The following TANC1 variants were observed in gnomAD, a reference collection of about 807,000 sequenced individuals.
The protein encoded by TANC1 is tetratricopeptide repeat, ankyrin repeat and coiled-coil containing 1.
A neutral mutation model predicts 149.7 loss-of-function variants in TANC1; 77 were observed. That is an observed-to-expected ratio of 0.51 (90% CI 0.43 to 0.62). The LOEUF is 0.62. Ranked by LOEUF, TANC1 falls within the 20% of genes least tolerant of loss-of-function variation. The probability of loss-of-function intolerance (pLI) is 0.00; values close to 1 mark genes in which losing one functional copy is unlikely to be tolerated. For missense variants in TANC1, 1,985 were observed against 2,321.8 expected (o/e 0.85, Z 2.98); for synonymous variants, 854 against 925.0 (o/e 0.92, Z 1.39).
intron 2 of TANC1, among the ~76,000 whole-genome samples, chr2:159,019,188 A>G (rs1216657856): frequency 6.6e-6 from 1 of 152,232 alleles, no homozygotes; most frequent in Non-Finnish European, 1.5e-5. Context: ...CCAGAGCCCA[A>G]GCTCCTTCGA....
chr2:159,032,754 G>A (rs1478171029), intron 2 of TANC1, among the ~76,000 whole-genome samples: 1 of 146,278 alleles, frequency 6.8e-6, no homozygotes, highest in African/African-American at 2.6e-5. Flanking sequence ...GGGAGAGCCT[G>A]TGAAGAGGTG....
At chr2:159,141,654 CAAG>C (rs2051382969) in intron 5 of TANC1, among the ~76,000 whole-genome samples, 1 of 152,164 alleles carries the variant, frequency 6.6e-6, no homozygotes, top group Admixed American at 6.5e-5. Flanking sequence ...AACTGGGTAT[CAAG>C]AAAGAGCTCA....
rs192066336 is a variant in TANC1, at chr2:159,224,538, C to T, written c.3811+174C>T. On this transcript the variant is annotated intron_variant, in intron 23 of 26. Transcript: ENST00000263635. ...TTATACACAATGTGTAAGTAGCTCA[C>T]GGTGTTTCTGCGGGGAGGGTGTGGA... is the stretch of plus-strand genomic sequence containing the variant. The T allele has an allele frequency of 3.6e-5, 26 of 722,126 alleles. No homozygotes were observed. The East Asian group carries it at 4.4e-4, about 12-fold the overall frequency. The allele number at this position is 722,126 out of a possible 1,614,324, so 44.7% of individuals were successfully genotyped here.
At chr2:159,028,235 C>G (rs1159993607) in intron 2 of TANC1, among the ~76,000 whole-genome samples, 1 of 151,816 alleles carries the variant, frequency 6.6e-6, no homozygotes, top group Non-Finnish European at 1.5e-5. Context: ...ATTCTCCTGC[C>G]TTAGCATCCC....
rs922881833 is a variant in TANC1, at chr2:159,071,405, T to G, written c.61+5434T>G. Among the ~76,000 whole-genome samples the G allele has an allele frequency of 3.3e-5, 5 of 152,228 alleles. 1 individual carries two copies. Among genetic ancestry groups the G allele is most frequent in the Admixed American group, 2.0e-4 (3 of 15,292 alleles). On this transcript the variant is annotated intron_variant, in intron 3 of 26. Transcript: ENST00000263635. Reference sequence around the variant, plus strand: ...AGCAACTTGTTAAAAAAAAATTTTTTTTTGACCTTTACCTTTCTCTCATTA... The same window carrying G: ...AGCAACTTGTTAAAAAAAAATTTTTGTTTGACCTTTACCTTTCTCTCATTA...
chr2:159,019,419 C>G (rs2038593381), intron 2 of TANC1, among the ~76,000 whole-genome samples: 1 of 152,166 alleles, frequency 6.6e-6, no homozygotes, highest in South Asian at 2.1e-4. Context: ...GTGTAACCTC[C>G]TGCTTTCTAA....
intron 3 of TANC1, among the ~76,000 whole-genome samples, chr2:159,080,808 G>A (rs555811197): frequency 4.6e-5 from 7 of 152,284 alleles, no homozygotes; most frequent in Admixed American, 1.3e-4. Flanking sequence ...TGTACAGCCC[G>A]GCTCCTCTTG....
intron 5 of TANC1, among the ~76,000 whole-genome samples, chr2:159,142,376 G>A (rs2051473586): frequency 6.6e-6 from 1 of 152,226 alleles, no homozygotes; most frequent in South Asian, 2.1e-4. Flanking sequence ...TAAAACTTCT[G>A]ATACCTTAGT....
chr2:159,051,840 C>A (rs767026094), intron 2 of TANC1, among the ~76,000 whole-genome samples: 1 of 152,118 alleles, frequency 6.6e-6, no homozygotes, highest in South Asian at 2.1e-4. Context: ...TTTTATTAGT[C>A]TAGAAAGAGT....
At chr2:159,131,302 G>C (rs1265941280) in intron 4 of TANC1, among the ~76,000 whole-genome samples, 2 of 152,142 alleles carry the variant, frequency 1.3e-5, no homozygotes, top group African/African-American at 4.8e-5. Flanking sequence ...TCTTAGAATT[G>C]AGCCTTTCCA....
At chr2:159,015,219 T>C (rs940302946) in intron 2 of TANC1, among the ~76,000 whole-genome samples, 10 of 152,266 alleles carry the variant, frequency 6.6e-5, no homozygotes, top group Non-Finnish European at 1.5e-4. Context: ...TCTTGACTTC[T>C]GTGCACTGGC....
intron 2 of TANC1, among the ~76,000 whole-genome samples, chr2:159,017,563 A>C (rs1443593692): frequency 6.6e-6 from 1 of 152,148 alleles, no homozygotes; most frequent in Admixed American, 6.5e-5. Context: ...GACTGGATAT[A>C]CCTGTTTTGT....
chr2:159,029,839 G>A (rs904819324), intron 2 of TANC1, among the ~76,000 whole-genome samples: 5 of 152,108 alleles, frequency 3.3e-5, no homozygotes, highest in African/African-American at 9.7e-5. Flanking sequence ...AGGTCTACAC[G>A]TATGTGCCAC....
intron 3 of TANC1, among the ~76,000 whole-genome samples, chr2:159,097,043 A>G (rs1046921714): frequency 6.6e-6 from 1 of 152,120 alleles, no homozygotes; most frequent in Non-Finnish European, 1.5e-5. Flanking sequence ...AAGCTGCCTA[A>G]TAAGTGAGCA....
At chr2:158,977,395 C>T (rs2033816554) in intron 1 of TANC1, among the ~76,000 whole-genome samples, 3 of 152,236 alleles carry the variant, frequency 2.0e-5, no homozygotes, top group Admixed American at 2.0e-4. Context: ...ACCATAGCCT[C>T]TGCCTCCTGG....
At chr2:159,220,371 G>A (rs1267358399) in intron 22 of TANC1, among the ~76,000 whole-genome samples, 3 of 151,464 alleles carry the variant, frequency 2.0e-5, no homozygotes, top group African/African-American at 4.9e-5. Context: ...GCAGTGGTGC[G>A]ATCTCGGCTC....
At chr2:159,047,075 A>G (rs756017674) in intron 2 of TANC1, among the ~76,000 whole-genome samples, 3 of 151,892 alleles carry the variant, frequency 2.0e-5, no homozygotes, top group Non-Finnish European at 4.4e-5. Flanking sequence ...TCCACACTTC[A>G]TGGACCCCCC....
chr2:159,085,224 T>C (rs928836503), intron 3 of TANC1, among the ~76,000 whole-genome samples: 4 of 152,136 alleles, frequency 2.6e-5, no homozygotes, highest in African/African-American at 9.7e-5. Context: ...CCTTTGCTTG[T>C]GTCCACTTCC....
At position 159,170,698 on chromosome 2, in the gene TANC1, A is replaced by T; in HGVS notation, c.1244A>T (p.Asn415Ile). The change falls in exon 10 of 27, where the codon AAT (asparagine) becomes ATT (isoleucine). Residue 415 changes from asparagine to isoleucine, a missense_variant. Physicochemically the swap from Asn to Ile is moderately radical, Grantham distance 149. Transcript: ENST00000263635. ...AACAGAGGCGCGGTGGTGGTTGGCA[A>T]TGTGGGATTTGGGAAGACGGCAATC... ...AENRGAVVVG[N>I]VGFGKTAIIS... The T allele has an allele frequency of 6.2e-7, 1 of 1,614,144 alleles. No homozygotes were observed. Among genetic ancestry groups the T allele is most frequent in the Non-Finnish European group, 8.5e-7 (1 of 1,180,016 alleles).
Sources: gnomAD v4.1 joint callset for allele counts (sites outside exome capture counted in the v4.1 genomes callset) on GRCh38, gnomAD v4.1.1 for gene constraint, MANE v1.5 for transcripts, NCBI Gene and HGNC (gene_info 2026-07-23, HGNC 2026-07-21) for gene names.